Variants in ARFGEF2 observed in about 807,000 individuals in gnomAD.
The protein encoded by ARFGEF2 is ARF guanine nucleotide exchange factor 2, also known as brefeldin A-inhibited guanine nucleotide-exchange protein 2.
Under a neutral mutation model 219.9 loss-of-function variants are expected in ARFGEF2, and 74 were observed. That is an observed-to-expected ratio of 0.34 (90% confidence interval 0.28 to 0.41). The LOEUF (loss-of-function observed/expected upper bound fraction) is 0.41. Among genes scored for constraint, ARFGEF2 ranks in the 10% least tolerant of loss-of-function variants. The pLI, the probability that ARFGEF2 is intolerant of heterozygous loss-of-function variation, is 1.00. For missense variants in ARFGEF2, 1,743 were observed against 2,218.3 expected (o/e 0.79, Z 4.30); for synonymous variants, 733 against 799.2 (o/e 0.92, Z 1.40).
rs2123451590 is a variant in ARFGEF2 at position 48,984,854 on chromosome 20, GT to G, written c.2070+15del. The G allele has an allele frequency of 1.2e-6, 2 of 1,612,274 alleles. No homozygotes were observed. Among genetic ancestry groups the G allele is most frequent in the East Asian group, 4.5e-5 (2 of 44,870 alleles). The stretch of plus-strand genomic sequence containing the variant: ...CGCCTGGATTCCGTAAGGCTTGGGG[GT>G]GTAGCACTTGCATGTGAGTTCTGTC... On this transcript the variant is annotated intron_variant, in intron 15 of 38. Transcript: ENST00000371917.
At chr20:48,969,655 A>G (rs916272778) in intron 9 of ARFGEF2, among the ~76,000 whole-genome samples, 1 of 152,252 alleles carries the variant, frequency 6.6e-6, no homozygotes, top group Admixed American at 6.5e-5. Flanking sequence ...CCTCTGCTTC[A>G]TCGATACAGA....
intron 25 of ARFGEF2, among the ~76,000 whole-genome samples, chr20:49,000,373 G>A (rs750947497): frequency 3.9e-5 from 6 of 152,200 alleles, no homozygotes; most frequent in Non-Finnish European, 8.8e-5. Context: ...ATAACTGATG[G>A]GAAAGGATCA....
chr20:48,995,028 G>A (rs2123473925), intron 22 of ARFGEF2, among the ~76,000 whole-genome samples: 1 of 152,230 alleles, frequency 6.6e-6, no homozygotes, highest in Admixed American at 6.5e-5. Context: ...ATTGGATTGA[G>A]AAACTCTTCT....
rs900023347 is a variant in ARFGEF2, at chr20:48,963,510, C to T, written c.839-320C>T. Among the ~76,000 whole-genome samples the T allele has an allele frequency of 3.3e-5, 5 of 152,252 alleles. No homozygotes were observed. In the East Asian group the frequency reaches 9.7e-4, roughly 29 times the overall value. On this transcript the variant is annotated intron_variant, in intron 6 of 38. Coordinates refer to ENST00000371917, the MANE Select transcript of ARFGEF2 (RefSeq NM_006420.3). Reference sequence around the variant, plus strand: ...GCCAGGAACTCTGGCTGGATAAAATCGAGCTCCTGCCTCCAAGTTGGGGGT... The same window carrying T: ...GCCAGGAACTCTGGCTGGATAAAATTGAGCTCCTGCCTCCAAGTTGGGGGT...
rs1246938169 is a variant in ARFGEF2, at chr20:48,921,931, C to T, written c.42C>T (p.Ala14=). 1 of 1,560,394 alleles carries T rather than the reference C, an allele frequency of 6.4e-7. No individual in the cohort carries two copies. The highest frequency in any genetic ancestry group is 1.4e-5 in the African/African-American group (1 of 73,620). Residue 14 remains alanine, a synonymous_variant, in exon 1 of 39, where the codon GCC becomes GCT. Coordinates refer to ENST00000371917, the MANE Select transcript of ARFGEF2 (RefSeq NM_006420.3). ...SQTKSMFVSR[A]LEKILADKEV... is the part of the protein sequence containing the mutation. ...CCAAGAGCATGTTCGTGTCCCGGGC[C>T]CTGGAGAAGATCCTAGCCGACAAGG...
chr20:48,985,196 G>A (rs1464004322), intron 15 of ARFGEF2, among the ~76,000 whole-genome samples: 1 of 118,886 alleles, frequency 8.4e-6, no homozygotes, highest in Non-Finnish European at 1.6e-5. Flanking sequence ...AGTCTCTTGT[G>A]CCCCCTCCTC....
At chr20:49,009,936 T>C (rs1005353129) in intron 26 of ARFGEF2, among the ~76,000 whole-genome samples, 1 of 152,234 alleles carries the variant, frequency 6.6e-6, no homozygotes, top group Non-Finnish European at 1.5e-5. Context: ...TTTGGTTCCA[T>C]GGCCTGGATA....
At chr20:48,928,663 T>G (rs1295961440) in intron 1 of ARFGEF2, among the ~76,000 whole-genome samples, 1 of 148,890 alleles carries the variant, frequency 6.7e-6, no homozygotes. Context: ...CCCAGCTAAT[T>G]TTTTGTATTT....
At chr20:49,017,650 GTAAAATTATAAGATC>G in intron 33 of ARFGEF2, 100 bp downstream of exon 33, 6 of 1,201,982 alleles carry the variant, frequency 5.0e-6, no homozygotes, top group Non-Finnish European at 6.0e-6. Context: ...TGGGAAGTGA[GTAAAATTATAAGATC>G]TAAAAATAGT....
rs1018765365 is a variant in ARFGEF2, at chr20:49,035,898, C to G, written c.*2699C>G. Reference sequence around the variant, plus strand: ...GTCAAATATATCTTTTCCCTGTACTCCTCATGTACAACCAAAGAACATACA... The same window carrying G: ...GTCAAATATATCTTTTCCCTGTACTGCTCATGTACAACCAAAGAACATACA... On this transcript the variant is annotated 3_prime_UTR_variant, in exon 39 of 39. Coordinates refer to ENST00000371917, the MANE Select transcript of ARFGEF2 (RefSeq NM_006420.3). 3.0e-6 allele frequency: 1 copy of G among 337,000 alleles called. No individual in the cohort carries two copies. The highest frequency in any genetic ancestry group is 2.1e-5 in the African/African-American group (1 of 47,078). 20.9% of individuals were successfully genotyped at this position (337,000 alleles called of 1,614,324 possible).
rs566274390 is a variant in ARFGEF2 at position 48,957,561 on chromosome 20, C to A, written c.838+3771C>A. On this transcript the variant is annotated intron_variant, in intron 6 of 38. Transcript: ENST00000371917. ...AGAACCAGTGGTTTTTAAGTAGATT[C>A]TTTGTACCTCTCAAAGGTTTGATTT... is the stretch of plus-strand genomic sequence containing the variant. Among the ~76,000 whole-genome samples, 7 of 152,330 alleles carry A rather than the reference C, an allele frequency of 4.6e-5. No homozygotes were observed. In the East Asian group the frequency reaches 1.3e-3, roughly 29 times the overall value.
At chr20:48,979,156 C>T (rs1360434752) in intron 14 of ARFGEF2, among the ~76,000 whole-genome samples, 1 of 151,994 alleles carries the variant, frequency 6.6e-6, no homozygotes. Context: ...TCCGTCAGTA[C>T]CTAGTTTATT....
chr20:48,994,052 A>G (rs2091372211), intron 21 of ARFGEF2, among the ~76,000 whole-genome samples: 3 of 152,204 alleles, frequency 2.0e-5, no homozygotes, highest in Admixed American at 6.5e-5. Flanking sequence ...AGGGACACAC[A>G]TGTCTGAGCT....
chr20:48,953,680 C>A lies in ARFGEF2; in HGVS notation c.728C>A (p.Thr243Lys). 1 of 1,614,134 alleles carries A rather than the reference C, an allele frequency of 6.2e-7. No homozygotes were observed. Among genetic ancestry groups the A allele is most frequent in the Non-Finnish European group, 8.5e-7 (1 of 1,180,026 alleles). The change falls in exon 6 of 39, where the codon ACA becomes AAA. Residue 243 changes from threonine to lysine, a missense_variant. This residue lies in a region of ARFGEF2 where 394 missense variants were observed against 426.6 expected (regional missense o/e 0.92). Transcript: ENST00000371917. ...CACAGTCAGGCACAAAGCAAACCAA[C>A]AACTCCCGAAAAAACAGATTTAACC... ...LKHSQAQSKP[T>K]TPEKTDLTNG...
At chr20:48,971,011 A>T in intron 9 of ARFGEF2, 109 bp from the exon 10 acceptor site, 1 of 897,528 alleles carries the variant, frequency 1.1e-6, no homozygotes, top group East Asian at 2.5e-5. Context: ...AGGTGCTATT[A>T]ATTCTTTAAA....
intron 11 of ARFGEF2, among the ~76,000 whole-genome samples, chr20:48,972,692 C>T (rs940850080): frequency 3.9e-5 from 6 of 152,188 alleles, no homozygotes; most frequent in East Asian, 1.9e-4. Flanking sequence ...GTTACGTTAC[C>T]TACAAGCTGA....
At chr20:48,950,811 AATATAT>A (rs71184245) in intron 3 of ARFGEF2, among the ~76,000 whole-genome samples, 670 of 64,410 alleles carry the variant, frequency 0.01, 24 homozygotes, top group East Asian at 0.023. Flanking sequence ...AAAAAAAAAA[AATATAT>A]ATATATATAT....
intron 26 of ARFGEF2, among the ~76,000 whole-genome samples, chr20:49,009,329 C>A (rs1390968457): frequency 6.6e-6 from 1 of 151,900 alleles, no homozygotes; most frequent in Non-Finnish European, 1.5e-5. Flanking sequence ...GGAAGACAAA[C>A]ATGAATGTCA....
At chr20:48,976,397 A>G (rs1051459153) in intron 14 of ARFGEF2, among the ~76,000 whole-genome samples, 198 bp downstream of exon 14, 2 of 152,206 alleles carry the variant, frequency 1.3e-5, no homozygotes, top group Admixed American at 1.3e-4. Context: ...AGAAAACTTT[A>G]ATACCTTTGT....
Sources: gnomAD v4.1 joint callset for allele counts (sites outside exome capture counted in the v4.1 genomes callset) on GRCh38, gnomAD v4.1.1 for gene constraint, gnomAD v4.1.1 regional missense constraint, MANE v1.5 for transcripts, NCBI Gene and HGNC (gene_info 2026-07-23, HGNC 2026-07-21) for gene names.